RIMBP2: variants seen among roughly 807,000 people sequenced by gnomAD.
The protein encoded by RIMBP2 is RIMS-binding protein 2.
A neutral mutation model predicts 118.6 loss-of-function variants in RIMBP2; 48 were observed. The ratio of observed to expected loss-of-function variants is 0.40; its 90% CI spans 0.32 to 0.51. The LOEUF (loss-of-function observed/expected upper bound fraction) is 0.51. Ranked by LOEUF, RIMBP2 falls within the 20% of genes least tolerant of loss-of-function variation. RIMBP2 has a pLI of 0.41. For synonymous variants in RIMBP2, 762 were observed against 742.9 expected (o/e 1.03, Z -0.42); for missense variants, 1,551 against 1,768.3 (o/e 0.88, Z 2.20).
chr12:130,637,615 A>G (rs2141007682), intron 1 of RIMBP2, among the ~76,000 whole-genome samples: 1 of 152,364 alleles, frequency 6.6e-6, no homozygotes, highest in African/African-American at 2.4e-5. Context: ...TAAAGAATTG[A>G]TCAATGTATC....
rs1355188055 is a variant in RIMBP2 at position 130,434,677 on chromosome 12, G to A, written c.2253+57C>T. 1 of 1,559,414 alleles carries A rather than the reference G, an allele frequency of 6.4e-7. No individual in the cohort carries two copies. Among genetic ancestry groups the A allele is most frequent in the Non-Finnish European group, 8.7e-7 (1 of 1,155,330 alleles). On this transcript the variant is annotated intron_variant, in intron 14 of 22. Transcript: ENST00000690449. This position sits in a 1 kb window ranked among gnomAD's most constrained non-coding sequence, Gnocchi z 5.7. ...GCCCATGTCTCTTGATCTCCACGGG[G>A]CCCGCTCCGAGCCCGCGCCCACCAG...
chr12:130,646,759 CA>C (rs1457343917), intron 1 of RIMBP2, among the ~76,000 whole-genome samples: 1 of 152,238 alleles, frequency 6.6e-6, no homozygotes, highest in Non-Finnish European at 1.5e-5. Flanking sequence ...AAGCCGCCTC[CA>C]GGGGCGAATG....
chr12:130,595,658 G>A (rs1422333364), intron 2 of RIMBP2, among the ~76,000 whole-genome samples: 1 of 112,846 alleles, frequency 8.9e-6, no homozygotes, highest in African/African-American at 3.2e-5. Flanking sequence ...CTTCTGCAGC[G>A]GCAAAGAGCC....
At chr12:130,667,088 G>T (rs2063970380) in intron 1 of RIMBP2, among the ~76,000 whole-genome samples, 1 of 112,024 alleles carries the variant, frequency 8.9e-6, no homozygotes, top group African/African-American at 3.5e-5. Flanking sequence ...AAAAATGAGG[G>T]AGGGAGGATG....
At chr12:130,530,662 C>G (rs2053275917) in intron 2 of RIMBP2, among the ~76,000 whole-genome samples, 1 of 152,216 alleles carries the variant, frequency 6.6e-6, no homozygotes, top group Admixed American at 6.5e-5. Context: ...TCCTAGGATT[C>G]TGCCACAAAT....
At position 130,630,063 on chromosome 12, in the gene RIMBP2, A is replaced by G. The variant is rs966736913; in HGVS notation, c.-351-1607T>C. Reference sequence around the variant, plus strand: ...AACAAGATGCTAAAAAGACCAATGAAGGACAAAAAGAACTCTTGTGAATGA... The same window carrying G: ...AACAAGATGCTAAAAAGACCAATGAGGGACAAAAAGAACTCTTGTGAATGA... On this transcript the variant is annotated intron_variant, in intron 1 of 22. Transcript: ENST00000690449. Among the ~76,000 whole-genome samples the G allele has an allele frequency of 2.8e-4, 43 of 151,908 alleles. 1 individual carries two copies. Among genetic ancestry groups the G allele is most frequent in the Non-Finnish European group, 4.4e-5 (3 of 67,978 alleles).
chr12:130,704,574 C>CAATAATAAT (rs548192716), intron 1 of RIMBP2, among the ~76,000 whole-genome samples: 1 of 151,724 alleles, frequency 6.6e-6, no homozygotes, highest in Non-Finnish European at 1.5e-5. Context: ...GACTCCATCT[C>CAATAATAAT]AATAATAATA....
chr12:130,486,785 T>C (rs1195281599), intron 4 of RIMBP2, among the ~76,000 whole-genome samples: 4 of 151,532 alleles, frequency 2.6e-5, no homozygotes, highest in South Asian at 2.1e-4. Flanking sequence ...TTCTCTCCTG[T>C]GTCCAACGCT....
At chr12:130,663,965 C>T (rs2063762225) in intron 1 of RIMBP2, among the ~76,000 whole-genome samples, 1 of 151,578 alleles carries the variant, frequency 6.6e-6, no homozygotes, top group Non-Finnish European at 1.5e-5. Context: ...CTGTGCAGGA[C>T]CTGAGGAGGG....
intron 12 of RIMBP2, 30 bp downstream of exon 12, chr12:130,438,335 A>ACGGGGGCC: frequency 1.2e-6 from 1 of 865,014 alleles, no homozygotes; most frequent in Non-Finnish European, 1.9e-6. Flanking sequence ...GGCCTAACAA[A>ACGGGGGCC]CCCTCCCCAC....
intron 2 of RIMBP2, among the ~76,000 whole-genome samples, chr12:130,558,851 G>T (rs988309062): frequency 2.1e-5 from 3 of 143,616 alleles, no homozygotes; most frequent in African/African-American, 7.7e-5. Flanking sequence ...AATGTTAAAT[G>T]ACATTTGCTG....
rs564873976 is a variant in RIMBP2 at position 130,645,873 on chromosome 12, T to G, written c.-351-17417A>C. Among the ~76,000 whole-genome samples, 3 of 152,318 alleles carry G rather than the reference T, an allele frequency of 2.0e-5. No individual in the cohort carries two copies. The South Asian group carries it at 6.2e-4, about 32-fold the overall frequency. ...AATCTGAAACCAACTCTTTACAGTT[T>G]AGTCTTCCTTGCCTAACTAAATGGA... On this transcript the variant is annotated intron_variant, in intron 1 of 22. Coordinates refer to ENST00000690449, the MANE Select transcript of RIMBP2 (RefSeq NM_001393629.1).
rs374353310 is a variant in RIMBP2, at chr12:130,656,009, T to C, written c.-351-27553A>G. 5.9e-5 allele frequency among the ~76,000 whole-genome samples: 9 copies of C among 152,194 alleles called. No homozygotes were observed. The East Asian group carries it at 1.5e-3, about 26-fold the overall frequency. ...CTGGGGAATGGAGGAAGCTCTCTCA[T>C]GTCCATCTTAGAGCATGGGTTCCAG... On this transcript the variant is annotated intron_variant, in intron 1 of 22. Coordinates refer to ENST00000690449, the MANE Select transcript of RIMBP2 (RefSeq NM_001393629.1).
intron 1 of RIMBP2, among the ~76,000 whole-genome samples, chr12:130,673,125 G>T (rs2064276109): frequency 6.6e-6 from 1 of 152,224 alleles, no homozygotes; most frequent in African/African-American, 2.4e-5. Context: ...CTTCCTGAAG[G>T]ACCAGGACTT....
At chr12:130,550,777 A>G (rs2055691423) in intron 2 of RIMBP2, among the ~76,000 whole-genome samples, 1 of 152,246 alleles carries the variant, frequency 6.6e-6, no homozygotes, top group Non-Finnish European at 1.5e-5. Context: ...GGAGATTCTA[A>G]AAGACACAAA....
rs370187083 is a variant in RIMBP2 at position 130,681,137 on chromosome 12, C to A, written c.-352+35085G>T. On this transcript the variant is annotated intron_variant, in intron 1 of 22. Transcript: ENST00000690449. ...AGTTCTGTAAAAGTAGCTTCCCATA[C>A]TTATCAACTTTTATTCACAAGGACT... Among the ~76,000 whole-genome samples the A allele has an allele frequency of 1.3e-4, 20 of 152,146 alleles. No homozygotes were observed. In the East Asian group the frequency reaches 3.9e-3, roughly 29 times the overall value.
At chr12:130,648,615 T>C (rs1335834615) in intron 1 of RIMBP2, among the ~76,000 whole-genome samples, 3 of 145,592 alleles carry the variant, frequency 2.1e-5, no homozygotes, top group Non-Finnish European at 3.1e-5. Context: ...TATATGTTAC[T>C]CCATTAATCA....
intron 2 of RIMBP2, among the ~76,000 whole-genome samples, chr12:130,573,566 G>C (rs946384147): frequency 6.6e-6 from 1 of 152,112 alleles, no homozygotes; most frequent in Admixed American, 6.5e-5. Flanking sequence ...GGTCTAATTA[G>C]ACATTGGTGA....
rs1163737194 is a variant in RIMBP2, at chr12:130,622,448, C to T, written c.-217+5874G>A. On this transcript the variant is annotated intron_variant, in intron 2 of 22. Coordinates refer to ENST00000690449, the MANE Select transcript of RIMBP2 (RefSeq NM_001393629.1). This position sits in a 1 kb window ranked among gnomAD's most constrained non-coding sequence, Gnocchi z 8.5. Reference sequence around the variant, plus strand: ...ATTTTGTACATAAATTCACTATTCACTAATTGTACGTATAATTCTCTACTA... The same window carrying T: ...ATTTTGTACATAAATTCACTATTCATTAATTGTACGTATAATTCTCTACTA... Among the ~76,000 whole-genome samples the T allele has an allele frequency of 2.6e-5, 4 of 152,068 alleles. No homozygotes were observed. Among genetic ancestry groups the T allele is most frequent in the East Asian group, 3.9e-4 (2 of 5,182 alleles).
Sources: gnomAD v4.1 joint callset for allele counts (sites outside exome capture counted in the v4.1 genomes callset) on GRCh38, gnomAD v4.1.1 for gene constraint, Gnocchi (gnomAD v3.1) non-coding constraint, MANE v1.5 for transcripts, NCBI Gene and HGNC (gene_info 2026-07-23, HGNC 2026-07-21) for gene names.